Variants in NRXN3 observed in about 807,000 individuals in gnomAD.
NRXN3 encodes the protein neurexin III.
In NRXN3, 32 loss-of-function variants were observed where a neutral mutation model predicts 137.6. The ratio of observed to expected loss-of-function variants is 0.23; its 90% confidence interval spans 0.18 to 0.31. The LOEUF (loss-of-function observed/expected upper bound fraction) is 0.31, where lower values mean the gene tolerates loss of function less well. NRXN3 is among the 10% of genes least tolerant of loss of function. The probability of loss-of-function intolerance (pLI) is 1.00; values close to 1 mark genes in which losing one functional copy is unlikely to be tolerated. For synonymous variants in NRXN3, 798 were observed against 784.5 expected (o/e 1.02, Z -0.29); for missense variants, 1,574 against 2,062.5 (o/e 0.76, Z 4.59).
chr14:78,967,539 C>CAAAAA, intron 13 of NRXN3, 141 bp downstream of exon 13: 2 of 649,134 alleles, frequency 3.1e-6, no homozygotes, highest in Non-Finnish European at 5.3e-6. Context: ...GTTGAATTAT[C>CAAAAA]CTGTAATGCA....
intron 15 of NRXN3, among the ~76,000 whole-genome samples, chr14:79,057,652 T>A (rs1167454407): frequency 1.3e-5 from 2 of 152,136 alleles, no homozygotes; most frequent in Admixed American, 1.3e-4. Flanking sequence ...ACCTTTTAGG[T>A]AACTGAAAAA....
At chr14:78,296,037 C>CT (rs951622758) in intron 3 of NRXN3, among the ~76,000 whole-genome samples, 72 of 141,140 alleles carry the variant, frequency 5.1e-4, no homozygotes, top group South Asian at 1.4e-3. Flanking sequence ...CTTTTCTTTT[C>CT]TTTTTTTTTT....
In NRXN3 at chr14:79,837,308, C is replaced by T. The variant is rs527421733; in HGVS notation, c.4094-24034C>T. ...TTAAGTCATTTTTTTTTAAAAAAAC[C>T]GTCTTATCCATTTCATATGTTTTAC... is the stretch of plus-strand genomic sequence containing the variant. On this transcript the variant is annotated intron_variant, in intron 20 of 20. Transcript: ENST00000335750. Among the ~76,000 whole-genome samples, 975 of 150,134 alleles carry T rather than the reference C, an allele frequency of 6.5e-3. 8 individuals carry two copies. The highest frequency in any genetic ancestry group is 0.022 in the African/African-American group (918 of 40,826).
intron 6 of NRXN3, among the ~76,000 whole-genome samples, chr14:78,671,763 T>C (rs1252265700): frequency 6.6e-6 from 1 of 152,220 alleles, no homozygotes; most frequent in Admixed American, 6.5e-5. Context: ...TGGCTCACCA[T>C]CTATTTATCA....
intron 15 of NRXN3, among the ~76,000 whole-genome samples, chr14:79,104,451 G>A (rs1322833878): frequency 4.6e-5 from 7 of 152,092 alleles, no homozygotes; most frequent in Admixed American, 2.0e-4. Context: ...CAGCCCACTC[G>A]TTCTCTTCTA....
At chr14:79,139,003 T>C (rs2058530144) in intron 15 of NRXN3, among the ~76,000 whole-genome samples, 1 of 152,200 alleles carries the variant, frequency 6.6e-6, no homozygotes, top group Non-Finnish European at 1.5e-5. Context: ...ATGAAAAATT[T>C]GCAGGTGATG....
chr14:79,658,575 A>C (rs2098517819), intron 16 of NRXN3, among the ~76,000 whole-genome samples: 1 of 152,138 alleles, frequency 6.6e-6, no homozygotes, highest in African/African-American at 2.4e-5. Context: ...GGCCCAACCC[A>C]TCACAACGAG....
intron 10 of NRXN3, among the ~76,000 whole-genome samples, chr14:78,944,149 T>G (rs2099360733): frequency 6.6e-6 from 1 of 152,172 alleles, no homozygotes; most frequent in South Asian, 2.1e-4. Context: ...GATGCAGTTC[T>G]TCACTTATTT....
At chr14:79,089,479 T>C (rs2048758985) in intron 15 of NRXN3, among the ~76,000 whole-genome samples, 1 of 152,162 alleles carries the variant, frequency 6.6e-6, no homozygotes, top group African/African-American at 2.4e-5. Flanking sequence ...TCTTTTCAGA[T>C]AGGAATTTTA....
At chr14:79,549,804 A>G (rs1029615893) in intron 16 of NRXN3, among the ~76,000 whole-genome samples, 3 of 152,056 alleles carry the variant, frequency 2.0e-5, no homozygotes, top group African/African-American at 7.2e-5. Context: ...CAAATCCCCA[A>G]ATTCTATTGA....
intron 15 of NRXN3, among the ~76,000 whole-genome samples, chr14:79,109,098 G>C (rs1409794479): frequency 6.6e-6 from 1 of 152,170 alleles, no homozygotes; most frequent in Non-Finnish European, 1.5e-5. Flanking sequence ...GATGTTCAGT[G>C]AATGTTACAT....
At chr14:78,886,884 C>G (rs1375567356) in intron 10 of NRXN3, among the ~76,000 whole-genome samples, 1 of 152,124 alleles carries the variant, frequency 6.6e-6, no homozygotes, top group African/African-American at 2.4e-5. Context: ...TGAAAATTCT[C>G]TAAAGTTTTG....
intron 6 of NRXN3, among the ~76,000 whole-genome samples, chr14:78,693,318 T>G (rs950499354): frequency 6.6e-6 from 1 of 151,876 alleles, no homozygotes; most frequent in Non-Finnish European, 1.5e-5. Context: ...TTACCACTAC[T>G]GCTGTAGACC....
At chr14:78,870,628 CTTCTATCTAA>C in intron 10 of NRXN3, among the ~76,000 whole-genome samples, 1 of 151,826 alleles carries the variant, frequency 6.6e-6, no homozygotes, top group East Asian at 1.9e-4. Flanking sequence ...GATCTTATTC[CTTCTATCTAA>C]CTGTGTTTTC....
rs188032939 is a variant in NRXN3, at chr14:78,608,406, T to A, written c.758-36714T>A. ...CTGTAGAATATAGCCCAAACATCAC[T>A]GTGTATTAAAACATTTCTCTTTACT... On this transcript the variant is annotated intron_variant, in intron 4 of 20. Transcript: ENST00000335750. Among the ~76,000 whole-genome samples the A allele has an allele frequency of 9.8e-4, 150 of 152,366 alleles. 1 individual carries two copies. Among genetic ancestry groups the A allele is most frequent in the African/African-American group, 2.7e-3 (114 of 41,592 alleles).
chr14:79,201,089 T>C (rs1206106332), intron 15 of NRXN3: 2 of 152,244 alleles, frequency 1.3e-5, no homozygotes, highest in Admixed American at 1.3e-4. Flanking sequence ...AAAATTTATA[T>C]TGAAGCCACT....
intron 14 of NRXN3, among the ~76,000 whole-genome samples, chr14:78,984,952 C>T (rs1436270993): frequency 1.3e-5 from 2 of 152,186 alleles, no homozygotes; most frequent in Admixed American, 1.3e-4. Context: ...CTATTAAGTC[C>T]TTAGTGACAA....
At chr14:79,265,726 A>G (rs2078363394) in intron 15 of NRXN3, among the ~76,000 whole-genome samples, 1 of 152,190 alleles carries the variant, frequency 6.6e-6, no homozygotes, top group African/African-American at 2.4e-5. Context: ...TCTATCAGGC[A>G]CAATGACTCC....
intron 15 of NRXN3, among the ~76,000 whole-genome samples, chr14:79,070,501 T>C (rs1194427633): frequency 1.3e-5 from 2 of 152,188 alleles, no homozygotes; most frequent in African/African-American, 2.4e-5. Context: ...TTGGAAAATG[T>C]TGTCCAATAT....
Sources: gnomAD v4.1 joint callset for allele counts (sites outside exome capture counted in the v4.1 genomes callset) on GRCh38, gnomAD v4.1.1 for gene constraint, MANE v1.5 for transcripts, NCBI Gene and HGNC (gene_info 2026-07-23, HGNC 2026-07-21) for gene names.